The following ABCB10 variants were observed in gnomAD, a reference collection of about 807,000 sequenced individuals.
ABCB10 encodes ATP binding cassette subfamily B member 10.
ABCB10 carries 54 observed loss-of-function variants against 65.4 expected under a neutral mutation model. The observed-to-expected ratio is 0.83, with a 90% CI of 0.66 to 1.04. The LOEUF is 1.04. Ranked by LOEUF, ABCB10 falls within the 50% of genes least tolerant of loss-of-function variation. The pLI is 0.00. For synonymous variants in ABCB10, 418 were observed against 406.5 expected (o/e 1.03, Z -0.34); for missense variants, 846 against 976.6 (o/e 0.87, Z 1.78).
chr1:229,558,494 G>A lies in ABCB10; in HGVS notation c.159C>T (p.Gly53=), dbSNP rs1663321222. ...CGCCCCAGAGCAGCGCGGGCCCCGC[G>A]CCCCATAGCCGCGCCGGCCTCAGGC... The part of the protein sequence containing the change: ...FTGLRPARLW[G]AGPALLWGVG... The change falls in exon 1 of 13, where the codon GGC becomes GGT. Residue 53 remains glycine, a synonymous_variant. Coordinates refer to ENST00000344517, the MANE Select transcript of ABCB10 (RefSeq NM_012089.3). 2.3e-6 allele frequency: 3 copies of A among 1,320,294 alleles called. No homozygotes were observed. The highest frequency in any genetic ancestry group is 2.9e-4 in the Middle Eastern group (1 of 3,444). 81.8% of individuals were successfully genotyped at this position (1,320,294 alleles called of 1,614,324 possible).
chr1:229,524,298 A>C (rs1345755773), intron 10 of ABCB10, among the ~76,000 whole-genome samples: 1 of 151,900 alleles, frequency 6.6e-6, no homozygotes, highest in Non-Finnish European at 1.5e-5. Context: ...AGTAGCTGGG[A>C]CCATAAGTGC....
chr1:229,538,537 C>T (rs185436319), intron 6 of ABCB10, among the ~76,000 whole-genome samples: 4 of 152,246 alleles, frequency 2.6e-5, no homozygotes, highest in South Asian at 2.1e-4. Flanking sequence ...CCTCCTGAAC[C>T]GGTCCACCTT....
chr1:229,557,396 G>C (rs1663280675), intron 1 of ABCB10, among the ~76,000 whole-genome samples: 2 of 152,094 alleles, frequency 1.3e-5, no homozygotes, highest in South Asian at 4.2e-4. Context: ...CCAGAATGAG[G>C]GCTCAACAGA....
At chr1:229,534,335 G>A (rs1364098803) in intron 6 of ABCB10, among the ~76,000 whole-genome samples, 1 of 152,158 alleles carries the variant, frequency 6.6e-6, no homozygotes, top group Admixed American at 6.5e-5. Context: ...GATGCAAATG[G>A]GACACACATT....
At chr1:229,522,757 T>C (rs1306645584) in intron 10 of ABCB10, among the ~76,000 whole-genome samples, 1 of 152,206 alleles carries the variant, frequency 6.6e-6, no homozygotes, top group Non-Finnish European at 1.5e-5. Flanking sequence ...CTCAAGATAT[T>C]TGCAGTTTCC....
Position 229,530,268 on chromosome 1 carries a change from C to G in ABCB10, c.1576G>C (p.Val526Leu), listed in dbSNP as rs767114344. ...SIPSGSVTAL[V>L]GPSGSGKSTV... ...GATTTGCCAGAACCACTTGGGCCAA[C>G]CAGTGCCGTGACAGATCCTGACGGA... Residue 526 changes from valine to leucine, a missense_variant, in exon 8 of 13, where the codon GTT becomes CTT. Coordinates refer to ENST00000344517, the MANE Select transcript of ABCB10 (RefSeq NM_012089.3). 1.2e-6 allele frequency: 2 copies of G among 1,613,988 alleles called. No homozygotes were observed. The highest frequency in any genetic ancestry group is 1.7e-6 in the Non-Finnish European group (2 of 1,180,030).
intron 8 of ABCB10, among the ~76,000 whole-genome samples, chr1:229,529,949 C>G (rs1662539759): frequency 6.6e-6 from 1 of 152,166 alleles, no homozygotes; most frequent in East Asian, 1.9e-4. Flanking sequence ...GGAGGTAGAT[C>G]TGGGGAAGTC....
At position 229,525,903 on chromosome 1, in the gene ABCB10, G is replaced by C. The variant is rs768588894; in HGVS notation, c.1906+33C>G. 12 of 1,574,598 alleles carry C rather than the reference G, an allele frequency of 7.6e-6. No individual in the cohort carries two copies. In the South Asian group the frequency reaches 1.2e-4, roughly 15 times the overall value. Reference sequence around the variant, plus strand: ...ACATGTGAAAAGTTCTTTGGATATAGAGACTTTGCTACAAAGCAGTAAAGA... The same window carrying C: ...ACATGTGAAAAGTTCTTTGGATATACAGACTTTGCTACAAAGCAGTAAAGA... On this transcript the variant is annotated intron_variant, in intron 10 of 12. Coordinates refer to ENST00000344517, the MANE Select transcript of ABCB10 (RefSeq NM_012089.3).
chr1:229,531,304 T>C (rs1444907579), intron 7 of ABCB10, among the ~76,000 whole-genome samples: 1 of 152,140 alleles, frequency 6.6e-6, no homozygotes, highest in African/African-American at 2.4e-5. Context: ...AAGATCAATT[T>C]GGTAAACTAG....
Position 229,531,708 on chromosome 1 carries a change from G to A in ABCB10, c.1363C>T (p.Leu455=), listed in dbSNP as rs1662588859. ...CCCCCTGCACCCAGTCCTTTCATCA[G>A]CTCCGAGTAGAAAGAGCTCAGACCT... is the stretch of plus-strand genomic sequence containing the variant. ...IGGLSSFYSE[L]MKGLGAGGRL... is the part of the protein sequence containing the mutation. The change falls in exon 7 of 13, where the codon CTG becomes TTG. Residue 455 remains leucine (L), a synonymous_variant. Transcript: ENST00000344517. 1 of 1,613,802 alleles carries A rather than the reference G, an allele frequency of 6.2e-7. No homozygotes were observed. The highest frequency in any genetic ancestry group is 8.5e-7 in the Non-Finnish European group (1 of 1,179,852).
In ABCB10 at chr1:229,518,409, C is replaced by T. The variant is rs755055634; in HGVS notation, c.1987G>A (p.Ala663Thr). Reference protein sequence around the residue: ...KILLLDEATSALDAENEYLVQ... With the variant: ...KILLLDEATSTLDAENEYLVQ... ...AGGTACTCATTTTCGGCATCCAGCG[C>T]ACTGACACAGGAGCACACACACAAG... The change falls in exon 13 of 13, where the codon GCG becomes ACG. Residue 663 changes from alanine to threonine, a missense_variant and splice_region_variant. Ala to Thr is a moderately conservative substitution (Grantham distance 58, BLOSUM62 0). Coordinates refer to ENST00000344517, the MANE Select transcript of ABCB10 (RefSeq NM_012089.3). 3.1e-6 allele frequency: 5 copies of T among 1,613,912 alleles called. No homozygotes were observed. In the South Asian group the frequency reaches 5.5e-5, roughly 18 times the overall value.
In ABCB10 at chr1:229,544,414, CT is replaced by C. The variant is rs1231274907; in HGVS notation, c.922-2044del. Among the ~76,000 whole-genome samples, 19 of 70,204 alleles carry C rather than the reference CT, an allele frequency of 2.7e-4. No individual in the cohort carries two copies. The East Asian group carries it at 7.9e-3, about 29-fold the overall frequency. 46.1% of individuals were successfully genotyped at this position (70,204 alleles called of 152,430 possible). A position where few individuals can be genotyped will look rare whatever the true frequency, so the allele number is the denominator to read the frequency against. Reference sequence around the variant, plus strand: ...CCTAGGCAACAGGGTGAGACCTTCTCTCAAAAAAAAAAAAAAAAAAAAAAAA... The same window carrying C: ...CCTAGGCAACAGGGTGAGACCTTCTCCAAAAAAAAAAAAAAAAAAAAAAAA... On this transcript the variant is annotated intron_variant, in intron 3 of 12. Transcript: ENST00000344517.
chr1:229,542,190 A>C (rs370854871), intron 4 of ABCB10, 47 bp downstream of exon 4: 2 of 1,602,506 alleles, frequency 1.2e-6, no homozygotes, highest in Non-Finnish European at 8.5e-7. Flanking sequence ...GATCCTGGCT[A>C]TGACCCCATT....
At chr1:229,530,172 G>C (rs377721181) in intron 8 of ABCB10, 27 bp downstream of exon 8, 1 of 1,609,802 alleles carries the variant, frequency 6.2e-7, no homozygotes, top group Non-Finnish European at 8.5e-7. Context: ...AGAGTCCCTC[G>C]GTGCTACAGT....
chr1:229,530,495 G>A (rs1662557841), intron 7 of ABCB10, 87 bp from the exon 8 acceptor site: 2 of 1,380,690 alleles, frequency 1.4e-6, no homozygotes, highest in Non-Finnish European at 2.0e-6. Context: ...TCTGGCTATG[G>A]ATGGGTGACT....
At chr1:229,532,879 C>A (rs893375308) in intron 6 of ABCB10, among the ~76,000 whole-genome samples, 4 of 152,146 alleles carry the variant, frequency 2.6e-5, no homozygotes, top group Admixed American at 2.0e-4. Flanking sequence ...AGAGCGAGAC[C>A]CTGTCTCAAA....
Position 229,542,283 on chromosome 1 carries a change from C to T in ABCB10, c.1010G>A (p.Arg337Gln), listed in dbSNP as rs138708587. The T allele has an allele frequency of 5.1e-5, 83 of 1,613,962 alleles. No individual in the cohort carries two copies. Among genetic ancestry groups the T allele is most frequent in the Middle Eastern group, 1.6e-4 (1 of 6,062 alleles). The change falls in exon 4 of 13, where the codon CGG (arginine) becomes CAG (glutamine). Residue 337 changes from arginine to glutamine, a missense_variant. Physicochemically the swap from Arg to Gln is conservative, Grantham distance 43. This residue lies in a region of ABCB10 where 632 missense variants were observed against 803.2 expected (regional missense o/e 0.79). Transcript: ENST00000344517. ...IIAVIYGRYL[R>Q]KLTKVTQDSL... ...ATCCTGAGTGACTTTGGTCAGTTTC[C>T]GTAGATATCGCCCATAAATTACAGC...
chr1:229,544,018 A>T lies in ABCB10; in HGVS notation c.922-1647T>A, dbSNP rs1489640229. Among the ~76,000 whole-genome samples, 15 of 152,300 alleles carry T rather than the reference A, an allele frequency of 9.8e-5. No individual in the cohort carries two copies. In the South Asian group the frequency reaches 2.7e-3, roughly 27 times the overall value. On this transcript the variant is annotated intron_variant, in intron 3 of 12. Coordinates refer to ENST00000344517, the MANE Select transcript of ABCB10 (RefSeq NM_012089.3). ...CACAGTCCATCAAGATTCTCCTAGAACTGTCCAGAACCACCCCCCTCCCTT... is the reference window on the plus strand; with the variant it reads ...CACAGTCCATCAAGATTCTCCTAGATCTGTCCAGAACCACCCCCCTCCCTT...
rs1475368244 is a variant in ABCB10, at chr1:229,558,568, C to T, written c.85G>A (p.Val29Met). 6.9e-7 allele frequency: 1 copy of T among 1,445,030 alleles called. No homozygotes were observed. The highest frequency in any genetic ancestry group is 1.3e-5 in the South Asian group (1 of 76,592). 89.5% of individuals were successfully genotyped at this position (1,445,030 alleles called of 1,614,324 possible). The change falls in exon 1 of 13, where the codon GTG (valine) becomes ATG (methionine). Residue 29 changes from valine (V) to methionine (M), a missense_variant. Val to Met is a conservative substitution (Grantham distance 21). Around this residue, in one of 2 missense-constraint regions of ABCB10, gnomAD observed 214 missense variants for 173.5 expected, o/e 1.23. Coordinates refer to ENST00000344517, the MANE Select transcript of ABCB10 (RefSeq NM_012089.3). ...GGAACGCGGCTGGCCGCGGCCCACA[C>T]GCAGGCTACCGGCAGGAGCCGACCT... ...EPGRLLPVACVWAAASRVPGS... is the reference protein window; with the variant it reads ...EPGRLLPVACMWAAASRVPGS...
Sources: allele counts gnomAD v4.1 joint callset (sites outside exome capture counted in the v4.1 genomes callset), GRCh38; gene constraint gnomAD v4.1.1; regional missense constraint gnomAD v4.1.1; transcripts MANE v1.5; gene names NCBI Gene and HGNC (gene_info 2026-07-23, HGNC 2026-07-21).